The following NPLOC4 variants were observed in gnomAD, a reference collection of about 807,000 sequenced individuals.
The protein encoded by NPLOC4 is NPL4 homolog, ubiquitin recognition factor, also known as nuclear protein localization protein 4 homolog.
NPLOC4 carries 18 observed loss-of-function variants against 80.6 expected under a neutral mutation model. That is an observed-to-expected ratio of 0.22 (90% CI 0.15 to 0.33). The LOEUF is 0.33. NPLOC4 is among the 10% of genes least tolerant of loss of function. The pLI, the probability that NPLOC4 is intolerant of heterozygous loss-of-function variation, is 1.00. For synonymous variants in NPLOC4, 313 were observed against 301.5 expected, an observed-to-expected ratio of 1.04 and a Z score of -0.39; for missense variants, 540 against 786.1, an observed-to-expected ratio of 0.69 and a Z score of 3.74.
chr17:81,600,257 C>G, intron 9 of NPLOC4, 84 bp downstream of exon 9: 4 of 924,976 alleles, frequency 4.3e-6, no homozygotes, highest in South Asian at 4.2e-5. Flanking sequence ...CGACACAGCC[C>G]GGCCACTCTC....
intron 16 of NPLOC4, chr17:81,563,840 A>C: frequency 2.3e-6 from 1 of 438,054 alleles, no homozygotes; most frequent in South Asian, 1.6e-5. Flanking sequence ...CATTATTCTA[A>C]GCAAACTAAT....
intron 13 of NPLOC4, among the ~76,000 whole-genome samples, chr17:81,571,140 G>A (rs9901933): frequency 1.4e-4 from 22 of 152,270 alleles, no homozygotes; most frequent in Admixed American, 9.2e-4. Context: ...ATGGTGCATC[G>A]ATGGGCTTGG....
chr17:81,581,515 G>A (rs937117132), intron 12 of NPLOC4, among the ~76,000 whole-genome samples: 4 of 152,142 alleles, frequency 2.6e-5, no homozygotes, highest in South Asian at 2.1e-4. Flanking sequence ...CCCTGTGGAC[G>A]CCCAGACCCT....
chr17:81,572,791 TCA>T lies in NPLOC4; in HGVS notation c.1282-705_1282-704del, dbSNP rs1491314318. Among the ~76,000 whole-genome samples, 15 of 152,206 alleles carry T rather than the reference TCA, an allele frequency of 9.9e-5. No homozygotes were observed. The highest frequency in any genetic ancestry group is 3.6e-4 in the African/African-American group (15 of 41,456). On this transcript the variant is annotated intron_variant, in intron 12 of 16. Coordinates refer to ENST00000331134, the MANE Select transcript of NPLOC4 (RefSeq NM_017921.4). This position sits in a 1 kb window ranked among gnomAD's most constrained non-coding sequence, Gnocchi z 4.5. Reference sequence around the variant, plus strand: ...CTATCCTCCAAAAGCACATGAATCCTCACAGTCTGAATGCTAACTCTTAGAAT... The same window carrying T: ...CTATCCTCCAAAAGCACATGAATCCTCAGTCTGAATGCTAACTCTTAGAAT...
intron 16 of NPLOC4, 72 bp from the exon 17 acceptor site, chr17:81,559,488 G>C: frequency 6.8e-7 from 1 of 1,479,730 alleles, no homozygotes; most frequent in Non-Finnish European, 9.1e-7. Context: ...TGGGCATGGG[G>C]GCAGGGGCAG....
intron 2 of NPLOC4, among the ~76,000 whole-genome samples, chr17:81,626,106 G>A (rs1462694951): frequency 3.4e-5 from 5 of 146,314 alleles, no homozygotes; most frequent in East Asian, 2.1e-4. Context: ...CAGAGATTGC[G>A]CCACTGCACT....
rs372108702 is a variant in NPLOC4, at chr17:81,559,432, G to A, written c.1670-16C>T. The A allele has an allele frequency of 1.9e-5, 31 of 1,603,982 alleles. No individual in the cohort carries two copies. Among genetic ancestry groups the A allele is most frequent in the Non-Finnish European group, 2.3e-5 (27 of 1,175,172 alleles). On this transcript the variant is annotated splice_polypyrimidine_tract_variant and intron_variant, in intron 16 of 16. Coordinates refer to ENST00000331134, the MANE Select transcript of NPLOC4 (RefSeq NM_017921.4). ...CCAACTGTGCCTGCAGGGTGGAAGA[G>A]AAATGAGCACTCATCATTTCTGGCC...
chr17:81,613,226 C>T (rs2035390925), intron 4 of NPLOC4, 92 bp downstream of exon 4: 2 of 1,106,014 alleles, frequency 1.8e-6, no homozygotes, highest in Non-Finnish European at 2.5e-6. Context: ...TCATCAGATA[C>T]TTATTAAAAC....
chr17:81,616,333 A>AAAAAGAAAC lies in NPLOC4; in HGVS notation c.210-2840_210-2839insGTTTCTTTT, dbSNP rs1555686399. Among the ~76,000 whole-genome samples, 71 of 115,614 alleles carry AAAAAGAAAC rather than the reference A, an allele frequency of 6.1e-4. 6 individuals are homozygous for AAAAAGAAAC. Among genetic ancestry groups the AAAAAGAAAC allele is most frequent in the Non-Finnish European group, 1.1e-3 (62 of 58,318 alleles). The allele number at this position is 115,614 out of a possible 152,430, so 75.8% of individuals were successfully genotyped here. A position where few individuals can be genotyped will look rare whatever the true frequency, so the allele number is the denominator to read the frequency against. On this transcript the variant is annotated intron_variant, in intron 3 of 16. Transcript: ENST00000331134. ...AAGACTCTGTCTCAAAAAAAAAAAAAAAAAAGAAAAGCAAAGCTGCTAAAT... is the reference window on the plus strand; with the variant it reads ...AAGACTCTGTCTCAAAAAAAAAAAAAAAAAGAAACAAAAAGAAAAGCAAAGCTGCTAAAT...
intron 2 of NPLOC4, among the ~76,000 whole-genome samples, chr17:81,626,887 C>T (rs1272840379): frequency 6.7e-6 from 1 of 149,578 alleles, no homozygotes; most frequent in African/African-American, 2.5e-5. Flanking sequence ...ATCAGGAATT[C>T]GAGACCAGAC....
At chr17:81,615,658 C>A (rs1216581377) in intron 3 of NPLOC4, among the ~76,000 whole-genome samples, 1 of 152,188 alleles carries the variant, frequency 6.6e-6, no homozygotes, top group Non-Finnish European at 1.5e-5. Flanking sequence ...GGGCCTACAG[C>A]GGTTTGCTGG....
At chr17:81,616,320 C>CAAAAAAAAAAAAAA (rs56118520) in intron 3 of NPLOC4, among the ~76,000 whole-genome samples, 3 of 38,482 alleles carry the variant, frequency 7.8e-5, no homozygotes, top group African/African-American at 2.0e-4. Context: ...GACTCTGTCT[C>CAAAAAAAAAAAAAA]AAAAAAAAAA....
chr17:81,586,334 T>C (rs1184826671), intron 12 of NPLOC4, among the ~76,000 whole-genome samples: 2 of 151,988 alleles, frequency 1.3e-5, no homozygotes, highest in Non-Finnish European at 1.5e-5. Context: ...TCCCAGCACT[T>C]TGGGTGGCCT....
chr17:81,604,821 C>A, intron 7 of NPLOC4, 94 bp from the exon 8 acceptor site: 1 of 1,201,750 alleles, frequency 8.3e-7, no homozygotes, highest in South Asian at 1.5e-5. Context: ...TATCTTTTAC[C>A]TAGTTCTTTA....
At chr17:81,594,969 A>C (rs867998315) in intron 11 of NPLOC4, among the ~76,000 whole-genome samples, 6 of 152,010 alleles carry the variant, frequency 3.9e-5, no homozygotes, top group East Asian at 1.9e-4. Context: ...AAAAAAAAAA[A>C]CACAAAAACC....
At chr17:81,592,909 G>A (rs9907670) in intron 11 of NPLOC4, among the ~76,000 whole-genome samples, 21,766 of 152,182 alleles carry the variant, frequency 0.14, 1,856 homozygotes, top group Admixed American at 0.23. Context: ...ATTTGAACCC[G>A]GAGGCAGAAG....
intron 12 of NPLOC4, among the ~76,000 whole-genome samples, chr17:81,582,234 C>T (rs2034461694): frequency 6.6e-6 from 1 of 152,172 alleles, no homozygotes; most frequent in Non-Finnish European, 1.5e-5. Context: ...GTGAGGTAAG[C>T]GAGCTGTGGC....
Position 81,596,362 on chromosome 17 carries a change from C to CT in NPLOC4, c.994-121dup, listed in dbSNP as rs367838449. The CT allele has an allele frequency of 7.6e-3, 8,947 of 1,177,546 alleles. 54 individuals are homozygous for CT. The highest frequency in any genetic ancestry group is 0.023 in the Middle Eastern group (92 of 4,054). The allele number at this position is 1,177,546 out of a possible 1,614,324, so 72.9% of individuals were successfully genotyped here. A position where few individuals can be genotyped will look rare whatever the true frequency, so the allele number is the denominator to read the frequency against. On this transcript the variant is annotated intron_variant, in intron 10 of 16. Coordinates refer to ENST00000331134, the MANE Select transcript of NPLOC4 (RefSeq NM_017921.4). Reference sequence around the variant, plus strand: ...GTGACTCACACCTCTAATTCCAGCACTTTGAGAGGTGGAGGCGGGAGGTCC... The same window carrying CT: ...GTGACTCACACCTCTAATTCCAGCACTTTTGAGAGGTGGAGGCGGGAGGTCC...
intron 11 of NPLOC4, among the ~76,000 whole-genome samples, chr17:81,589,527 A>G (rs548551745): frequency 2.2e-5 from 3 of 138,292 alleles, no homozygotes; most frequent in Non-Finnish European, 4.8e-5. Context: ...GACAGACTCC[A>G]TCTCAAAAAA....
Sources: allele counts gnomAD v4.1 joint callset (sites outside exome capture counted in the v4.1 genomes callset), GRCh38; gene constraint gnomAD v4.1.1; non-coding constraint Gnocchi (gnomAD v3.1); transcripts MANE v1.5; gene names NCBI Gene and HGNC (gene_info 2026-07-23, HGNC 2026-07-21).